The following GTPBP1 variants were observed in gnomAD, a reference collection of about 807,000 sequenced individuals.
GTPBP1 encodes GTP binding protein 1.
Under a neutral mutation model 62.0 loss-of-function variants are expected in GTPBP1, and 23 were observed. That is an observed-to-expected ratio of 0.37 (90% confidence interval 0.27 to 0.53). The LOEUF is 0.53. GTPBP1 is among the 20% of genes least tolerant of loss of function. The pLI, the probability that GTPBP1 is intolerant of heterozygous loss-of-function variation, is 0.89. For missense variants in GTPBP1, 640 were observed against 917.3 expected, an observed-to-expected ratio of 0.70 and a Z score of 3.90; for synonymous variants, 344 against 364.4, an observed-to-expected ratio of 0.94 and a Z score of 0.64.
downstream of GTPBP1, chr22:38,734,125 T>TGGAG (rs2092781087): frequency 1.9e-5 from 6 of 308,886 alleles, no homozygotes; most frequent in Admixed American, 2.9e-4. Flanking sequence ...CCCTACTGAC[T>TGGAG]GGCTTTCTGC....
At chr22:38,713,692 T>C (rs2092652924) in intron 2 of GTPBP1, among the ~76,000 whole-genome samples, 1 of 152,182 alleles carries the variant, frequency 6.6e-6, no homozygotes, top group South Asian at 2.1e-4. Flanking sequence ...GAGATCTCCC[T>C]AGGTTCTTTT....
rs907063794 is a variant in GTPBP1 at position 38,726,782 on chromosome 22, C to G, written c.1401+342C>G. ...ATTGGGATCTGCGCCACATCCTCTT[C>G]CCATTCAGCCTTCTATCTCCTGGGG... On this transcript the variant is annotated intron_variant, in intron 8 of 11. Transcript: ENST00000216044. The surrounding 1 kb of genome is among the most constrained non-coding windows in gnomAD (Gnocchi z 4.1). 1.3e-5 allele frequency among the ~76,000 whole-genome samples: 2 copies of G among 152,192 alleles called. No individual in the cohort carries two copies. Among genetic ancestry groups the G allele is most frequent in the Non-Finnish European group, 2.9e-5 (2 of 68,026 alleles).
At chr22:38,715,409 C>T (rs2092663956) in intron 2 of GTPBP1, among the ~76,000 whole-genome samples, 1 of 152,206 alleles carries the variant, frequency 6.6e-6, no homozygotes, top group Admixed American at 6.5e-5. Context: ...CGCTTTGTTC[C>T]TCTGGCTAGG....
At chr22:38,722,633 C>T (rs2092706409) in intron 5 of GTPBP1, 3 of 1,384,240 alleles carry the variant, frequency 2.2e-6, no homozygotes, top group East Asian at 2.5e-5. Flanking sequence ...TGAGTACAAG[C>T]ATAATTGGTT....
chr22:38,706,393 C>A, intron 1 of GTPBP1: 1 of 327,608 alleles, frequency 3.1e-6, no homozygotes. Flanking sequence ...GCCCTCCCGT[C>A]TCCCGCCGAG....
rs1421792544 is a variant in GTPBP1 at position 38,725,783 on chromosome 22, C to T, written c.1074-223C>T. 2.1e-5 allele frequency: 12 copies of T among 559,110 alleles called. No homozygotes were observed. The East Asian group carries it at 2.9e-4, about 14-fold the overall frequency. 34.6% of individuals were successfully genotyped at this position (559,110 alleles called of 1,614,324 possible). ...GAGAGGAGAGGACAGGTGTCAGAGA[C>T]AGAACTGAGTGAGAGAAGAAGGCCT... On this transcript the variant is annotated intron_variant, in intron 6 of 11. Coordinates refer to ENST00000216044, the MANE Select transcript of GTPBP1 (RefSeq NM_004286.5).
rs772066579 is a variant in GTPBP1 at position 38,705,981 on chromosome 22, C to T, written c.26C>T (p.Ala9Val). 4.8e-6 allele frequency: 7 copies of T among 1,450,086 alleles called. No individual in the cohort carries two copies. The highest frequency in any genetic ancestry group is 1.3e-5 in the South Asian group (1 of 76,902). The allele number at this position is 1,450,086 out of a possible 1,614,324, so 89.8% of individuals were successfully genotyped here. A position where few individuals can be genotyped will look rare whatever the true frequency, so the allele number is the denominator to read the frequency against. ...ATGGCGACGGAGCGCAGTCGCTCCG[C>T]GATGGACTCGCCGGTCCCGGCCTCT... MATERSRS[A>V]MDSPVPASMF... Residue 9 changes from alanine to valine, a missense_variant, in exon 1 of 12, where the codon GCG (alanine) becomes GTG (valine). By Grantham distance (64) the Ala-to-Val change is moderately conservative (BLOSUM62 0). Transcript: ENST00000216044.
At chr22:38,706,380 C>T (rs2092604574) in intron 1 of GTPBP1, 1 of 336,710 alleles carries the variant, frequency 3.0e-6, no homozygotes, top group East Asian at 4.5e-5. Flanking sequence ...AACCCAGCCT[C>T]CCGCCCTCCC....
intron 2 of GTPBP1, among the ~76,000 whole-genome samples, chr22:38,710,564 G>A (rs1249672093): frequency 6.6e-6 from 1 of 152,152 alleles, no homozygotes; most frequent in African/African-American, 2.4e-5. Context: ...TCAAGAAAGG[G>A]AGAGAGTTGA....
chr22:38,730,915 A>C lies in GTPBP1; in HGVS notation c.*211A>C. On this transcript the variant is annotated 3_prime_UTR_variant, in exon 12 of 12. Transcript: ENST00000216044. The surrounding 1 kb of genome is among the most constrained non-coding windows in gnomAD (Gnocchi z 5.6). ...ACTTCCGGAGGACTGACCATCTCTC[A>C]CTGTCCTCCCCACCTTCTTCCTCAC... The C allele has an allele frequency of 1.9e-6, 1 of 528,798 alleles. No individual in the cohort carries two copies. 32.8% of individuals were successfully genotyped at this position (528,798 alleles called of 1,614,324 possible).
downstream of GTPBP1, chr22:38,736,228 C>A: frequency 6.3e-7 from 1 of 1,582,852 alleles, no homozygotes; most frequent in Non-Finnish European, 8.7e-7. Context: ...GCTGTTCACC[C>A]ACTCCCAGAT....
intron 4 of GTPBP1, among the ~76,000 whole-genome samples, chr22:38,717,894 C>T (rs1228900922): frequency 1.3e-5 from 2 of 152,168 alleles, no homozygotes; most frequent in African/African-American, 4.8e-5. Context: ...CTCGAGTGTT[C>T]CCTCGGCAAG....
chr22:38,730,915 A>T lies in GTPBP1; in HGVS notation c.*211A>T. ...ACTTCCGGAGGACTGACCATCTCTC[A>T]CTGTCCTCCCCACCTTCTTCCTCAC... On this transcript the variant is annotated 3_prime_UTR_variant, in exon 12 of 12. Transcript: ENST00000216044. This position sits in a 1 kb window ranked among gnomAD's most constrained non-coding sequence, Gnocchi z 5.6. 3.8e-6 allele frequency: 2 copies of T among 528,796 alleles called. No homozygotes were observed. The highest frequency in any genetic ancestry group is 3.4e-5 in the East Asian group (1 of 29,826). 32.8% of individuals were successfully genotyped at this position (528,796 alleles called of 1,614,324 possible). A position where few individuals can be genotyped will look rare whatever the true frequency, so the allele number is the denominator to read the frequency against.
chr22:38,721,157 A>G (rs997246926), intron 4 of GTPBP1, among the ~76,000 whole-genome samples: 2 of 152,098 alleles, frequency 1.3e-5, no homozygotes, highest in African/African-American at 4.8e-5. Flanking sequence ...TCGGCTCACC[A>G]CAACCTCCAC....
chr22:38,729,421 C>G (rs1333050405), intron 10 of GTPBP1, 41 bp from the exon 11 acceptor site: 1 of 1,478,740 alleles, frequency 6.8e-7, no homozygotes, highest in Non-Finnish European at 9.2e-7. Flanking sequence ...GTGCCACTGC[C>G]CCGCAGCTCC....
Position 38,716,095 on chromosome 22 carries a change from G to C in GTPBP1, c.485+8G>C. 6.4e-7 allele frequency: 1 copy of C among 1,571,596 alleles called. No individual in the cohort carries two copies. The highest frequency in any genetic ancestry group is 8.6e-7 in the Non-Finnish European group (1 of 1,157,874). ...TGACTTCCTGGAGGTCAGGTGAGGAGGCCGCGGGACATTTTGGGGTCCCCA... is the reference window on the plus strand; with the variant it reads ...TGACTTCCTGGAGGTCAGGTGAGGACGCCGCGGGACATTTTGGGGTCCCCA... On this transcript the variant is annotated splice_region_variant and intron_variant, in intron 3 of 11. Transcript: ENST00000216044. This position sits in a 1 kb window ranked among gnomAD's most constrained non-coding sequence, Gnocchi z 5.2.
At chr22:38,722,667 C>T in intron 5 of GTPBP1, 1 of 1,542,252 alleles carries the variant, frequency 6.5e-7, no homozygotes, top group Non-Finnish European at 8.8e-7. Flanking sequence ...AGATAATCAT[C>T]TATAAAATGA....
chr22:38,726,768 C>T lies in GTPBP1; in HGVS notation c.1401+328C>T, dbSNP rs1009996957. ...TTCTACATAGGACCATTGGGATCTG[C>T]GCCACATCCTCTTCCCATTCAGCCT... On this transcript the variant is annotated intron_variant, in intron 8 of 11. Coordinates refer to ENST00000216044, the MANE Select transcript of GTPBP1 (RefSeq NM_004286.5). This position sits in a 1 kb window ranked among gnomAD's most constrained non-coding sequence, Gnocchi z 4.1. 6.6e-6 allele frequency among the ~76,000 whole-genome samples: 1 copy of T among 152,154 alleles called. No homozygotes were observed. The highest frequency in any genetic ancestry group is 1.5e-5 in the Non-Finnish European group (1 of 68,024).
At chr22:38,722,628 A>C in intron 5 of GTPBP1, 1 of 1,356,328 alleles carries the variant, frequency 7.4e-7, no homozygotes, top group Non-Finnish European at 1.0e-6. Context: ...ATTTATGAGT[A>C]CAAGCATAAT....
Sources: gnomAD v4.1 joint callset for allele counts (sites outside exome capture counted in the v4.1 genomes callset) on GRCh38, gnomAD v4.1.1 for gene constraint, Gnocchi (gnomAD v3.1) non-coding constraint, MANE v1.5 for transcripts, NCBI Gene and HGNC (gene_info 2026-07-23, HGNC 2026-07-21) for gene names.